LGR5: variants seen among roughly 807,000 people sequenced by gnomAD.
LGR5 encodes leucine-rich repeat-containing G protein-coupled receptor 5.
LGR5 carries 54 observed loss-of-function variants against 76.7 expected under a neutral mutation model. The observed-to-expected ratio is 0.70, with a 90% CI of 0.57 to 0.88. LGR5 has a LOEUF of 0.88. Ranked by LOEUF, LGR5 falls within the 40% of genes least tolerant of loss-of-function variation. The pLI, the probability that LGR5 is intolerant of heterozygous loss-of-function variation, is 0.00. For synonymous variants in LGR5, 406 were observed against 421.9 expected, an observed-to-expected ratio of 0.96 and a Z score of 0.46; for missense variants, 1,078 against 1,073.3, an observed-to-expected ratio of 1.00 and a Z score of -0.06.
chr12:71,547,302 T>C (rs1480069417), intron 4 of LGR5, among the ~76,000 whole-genome samples: 1 of 152,176 alleles, frequency 6.6e-6, no homozygotes, highest in African/African-American at 2.4e-5. Context: ...ATAATACTAA[T>C]TAAAACATGC....
chr12:71,571,933 G>T (rs904025122), intron 12 of LGR5, among the ~76,000 whole-genome samples: 5 of 152,084 alleles, frequency 3.3e-5, no homozygotes, highest in Admixed American at 6.6e-5. Context: ...TTAATATGTG[G>T]GGACTTGGGT....
intron 1 of LGR5, among the ~76,000 whole-genome samples, chr12:71,450,553 T>C (rs1241586062): frequency 6.6e-6 from 1 of 152,174 alleles, no homozygotes; most frequent in Non-Finnish European, 1.5e-5. Flanking sequence ...CAAGTAATTA[T>C]CCACCTCAGC....
chr12:71,465,451 T>C (rs1592463635), intron 1 of LGR5, among the ~76,000 whole-genome samples: 1 of 152,232 alleles, frequency 6.6e-6, no homozygotes, highest in African/African-American at 2.4e-5. Flanking sequence ...GTTCCTTTCC[T>C]GTCTTTATCA....
chr12:71,545,015 T>C (rs1171548841), intron 4 of LGR5, among the ~76,000 whole-genome samples: 1 of 151,996 alleles, frequency 6.6e-6, no homozygotes, highest in African/African-American at 2.4e-5. Context: ...CTCACACCTG[T>C]AAACCCAGCA....
rs185823687 is a variant in LGR5, at chr12:71,581,801, T to G, written c.1553-655T>G. Among the ~76,000 whole-genome samples the G allele has an allele frequency of 4.9e-4, 75 of 152,210 alleles. 1 individual carries two copies. The South Asian group carries it at 7.7e-3, about 16-fold the overall frequency. On this transcript the variant is annotated intron_variant, in intron 16 of 17. Coordinates refer to ENST00000266674, the MANE Select transcript of LGR5 (RefSeq NM_003667.4). ...CACAGAGAGAAGGTCATTCATGGAG[T>G]TTATTTTCAAAGGCAGTGATTCTCA...
At chr12:71,558,734 GT>G (rs974129782) in intron 6 of LGR5, among the ~76,000 whole-genome samples, 1 of 152,162 alleles carries the variant, frequency 6.6e-6, no homozygotes, top group Non-Finnish European at 1.5e-5. Context: ...TGACGAAAAG[GT>G]TTTTCTGCGT....
chr12:71,581,814 G>A (rs1879104401), intron 16 of LGR5, among the ~76,000 whole-genome samples: 1 of 152,150 alleles, frequency 6.6e-6, no homozygotes, highest in Non-Finnish European at 1.5e-5. Flanking sequence ...ATTTTCAAAG[G>A]CAGTGATTCT....
At chr12:71,506,345 A>C (rs1391347395) in intron 2 of LGR5, among the ~76,000 whole-genome samples, 2 of 152,118 alleles carry the variant, frequency 1.3e-5, no homozygotes, top group East Asian at 3.9e-4. Context: ...AAGCTGAATC[A>C]ATAAATAATT....
intron 4 of LGR5, among the ~76,000 whole-genome samples, chr12:71,542,296 G>A (rs2137383613): frequency 6.6e-6 from 1 of 152,316 alleles, no homozygotes; most frequent in East Asian, 1.9e-4. Flanking sequence ...TTATATTGGT[G>A]GGGGAAGCCT....
intron 4 of LGR5, among the ~76,000 whole-genome samples, chr12:71,535,997 C>T (rs1170381958): frequency 6.6e-6 from 1 of 152,188 alleles, no homozygotes; most frequent in African/African-American, 2.4e-5. Context: ...TATACCACTA[C>T]TATTTAGTCA....
chr12:71,580,518 G>A lies in LGR5; in HGVS notation c.1552+95G>A, dbSNP rs58290493. On this transcript the variant is annotated intron_variant, in intron 16 of 17. Transcript: ENST00000266674. ...TTGATGAAAAGTCATCGAACAGGCC[G>A]GGTGTGGTGGCACACACCTGTAATC... 0.014 allele frequency: 17,878 copies of A among 1,286,966 alleles called. 460 individuals carry two copies. Among genetic ancestry groups the A allele is most frequent in the African/African-American group, 0.1 (7,055 of 67,636 alleles). The allele number at this position is 1,286,966 out of a possible 1,614,324, so 79.7% of individuals were successfully genotyped here.
chr12:71,449,196 C>T (rs554373007), intron 1 of LGR5, among the ~76,000 whole-genome samples: 2 of 152,254 alleles, frequency 1.3e-5, no homozygotes, highest in South Asian at 2.1e-4. Context: ...CCACCAAGGG[C>T]GTCAAACTAG....
At position 71,573,383 on chromosome 12, in the gene LGR5, TGGAGTGGGGACTG is replaced by T. The variant is rs1878703193; in HGVS notation, c.1208+466_1208+478del. On this transcript the variant is annotated intron_variant, in intron 13 of 17. Transcript: ENST00000266674. ...TATCTGCCTCATGAGTTAGAATCTCTGGAGTGGGGACTGGGAATCTGCATTTTAACAAGTACAC... is the reference window on the plus strand; with the variant it reads ...TATCTGCCTCATGAGTTAGAATCTCTGGAATCTGCATTTTAACAAGTACAC... Among the ~76,000 whole-genome samples, 5 of 152,328 alleles carry T rather than the reference TGGAGTGGGGACTG, an allele frequency of 3.3e-5. No individual in the cohort carries two copies. In the South Asian group the frequency reaches 1.0e-3, roughly 32 times the overall value.
intron 1 of LGR5, among the ~76,000 whole-genome samples, chr12:71,455,039 T>C (rs1370917829): frequency 6.6e-6 from 1 of 152,032 alleles, no homozygotes; most frequent in Non-Finnish European, 1.5e-5. Flanking sequence ...AGGTCTGTAG[T>C]TCTTAAACTT....
chr12:71,469,306 C>T (rs1291417897), intron 1 of LGR5, among the ~76,000 whole-genome samples: 1 of 152,254 alleles, frequency 6.6e-6, no homozygotes, highest in Non-Finnish European at 1.5e-5. Flanking sequence ...TGCCTCACTT[C>T]ACACTTTGTC....
intron 1 of LGR5, among the ~76,000 whole-genome samples, chr12:71,496,370 C>CAAAAAAAAAAAAA (rs67593850): frequency 1.0e-5 from 1 of 99,574 alleles, no homozygotes; most frequent in African/African-American, 4.3e-5. Flanking sequence ...TCCATCTCAA[C>CAAAAAAAAAAAAA]AAAAAAAAAA....
At chr12:71,517,180 G>C (rs534438117) in intron 2 of LGR5, among the ~76,000 whole-genome samples, 79 of 152,246 alleles carry the variant, frequency 5.2e-4, no homozygotes, top group Admixed American at 1.4e-3. Context: ...ATGCATTTCG[G>C]TTTCAAAAGT....
chr12:71,487,276 A>T (rs563630471), intron 1 of LGR5, among the ~76,000 whole-genome samples: 17 of 152,340 alleles, frequency 1.1e-4, no homozygotes, highest in Non-Finnish European at 2.4e-4. Flanking sequence ...CTAAACAAGG[A>T]TGATTGGCTT....
chr12:71,545,200 C>G (rs1249899517), intron 4 of LGR5, among the ~76,000 whole-genome samples: 2 of 152,180 alleles, frequency 1.3e-5, no homozygotes, highest in Non-Finnish European at 2.9e-5. Flanking sequence ...AGTCCTAACA[C>G]TTTCGGAGGC....
Sources: gnomAD v4.1 joint callset for allele counts (sites outside exome capture counted in the v4.1 genomes callset) on GRCh38, gnomAD v4.1.1 for gene constraint, MANE v1.5 for transcripts, NCBI Gene and HGNC (gene_info 2026-07-23, HGNC 2026-07-21) for gene names.